The following FAM227B variants were observed in gnomAD, a reference collection of about 807,000 sequenced individuals.
The protein encoded by FAM227B is protein FAM227B.
A neutral mutation model predicts 73.8 loss-of-function variants in FAM227B; 88 were observed. The ratio of observed to expected loss-of-function variants is 1.19; its 90% CI spans 1.00 to 1.42. FAM227B has a LOEUF of 1.42. FAM227B is among the 40% of genes most tolerant of loss of function. The pLI, the probability that FAM227B is intolerant of heterozygous loss-of-function variation, is 0.00. For missense variants in FAM227B, 632 were observed against 590.9 expected (o/e 1.07, Z -0.72); for synonymous variants, 210 against 190.5 (o/e 1.10, Z -0.84).
At chr15:49,587,658 A>C (rs899747336) in intron 5 of FAM227B, among the ~76,000 whole-genome samples, 4 of 152,140 alleles carry the variant, frequency 2.6e-5, no homozygotes, top group Non-Finnish European at 4.4e-5. Context: ...AATATTTTTT[A>C]AAATTGGCAA....
At chr15:49,351,376 A>C (rs1193663025) in intron 13 of FAM227B, among the ~76,000 whole-genome samples, 1 of 152,224 alleles carries the variant, frequency 6.6e-6, no homozygotes, top group Non-Finnish European at 1.5e-5. Flanking sequence ...AATTCCGCCC[A>C]AACTCTGGAG....
chr15:49,509,585 A>C (rs940734000), intron 10 of FAM227B, among the ~76,000 whole-genome samples: 1 of 26,558 alleles, frequency 3.8e-5, no homozygotes, highest in African/African-American at 8.6e-5. Flanking sequence ...TTTCACTGTT[A>C]CTTTTTTTTT....
chr15:49,541,696 A>G lies in FAM227B; in HGVS notation c.858T>C (p.Ile286=), dbSNP rs775337430. ...DEFKEDLGNN[I]FLWCSGLKPQ... Reference sequence around the variant, plus strand: ...TATTCATACCTGAACACCAAAGAAAAATGTTATTCCCTAGATCTTCTTTAA... The same window carrying G: ...TATTCATACCTGAACACCAAAGAAAGATGTTATTCCCTAGATCTTCTTTAA... Residue 286 remains isoleucine, a synonymous_variant, in exon 10 of 16, where the codon ATT becomes ATC. Transcript: ENST00000299338. 1.3e-6 allele frequency: 2 copies of G among 1,506,250 alleles called. No individual in the cohort carries two copies. Among genetic ancestry groups the G allele is most frequent in the Admixed American group, 4.6e-5 (2 of 43,400 alleles). 93.3% of individuals were successfully genotyped at this position (1,506,250 alleles called of 1,614,324 possible). A position where few individuals can be genotyped will look rare whatever the true frequency, so the allele number is the denominator to read the frequency against.
At chr15:49,576,498 C>T (rs913182627) in intron 7 of FAM227B, 16 of 328,560 alleles carry the variant, frequency 4.9e-5, no homozygotes, top group East Asian at 1.9e-4. Context: ...ACACCTGTTA[C>T]GGTTACATGC....
At chr15:49,562,680 T>A (rs953785627) in intron 9 of FAM227B, among the ~76,000 whole-genome samples, 1 of 152,160 alleles carries the variant, frequency 6.6e-6, no homozygotes, top group Admixed American at 6.5e-5. Context: ...ATTCCTGTGA[T>A]GCAAGGTTGG....
At chr15:49,371,647 T>A (rs2045815085) in intron 11 of FAM227B, among the ~76,000 whole-genome samples, 1 of 147,652 alleles carries the variant, frequency 6.8e-6, no homozygotes, top group Non-Finnish European at 1.5e-5. Context: ...AATTCACTTA[T>A]AAATAAATGA....
At chr15:49,352,291 A>G (rs1327931497) in intron 13 of FAM227B, among the ~76,000 whole-genome samples, 1 of 152,248 alleles carries the variant, frequency 6.6e-6, no homozygotes, top group African/African-American at 2.4e-5. Context: ...ATTACAAAAG[A>G]CTGTTCAAAC....
intron 10 of FAM227B, among the ~76,000 whole-genome samples, chr15:49,516,834 G>T (rs2059409635): frequency 6.6e-6 from 1 of 152,068 alleles, no homozygotes. Context: ...AAAATAGGGT[G>T]ATTATATTGT....
chr15:49,403,743 C>T (rs562601642), intron 11 of FAM227B, among the ~76,000 whole-genome samples: 5 of 149,240 alleles, frequency 3.4e-5, no homozygotes, highest in African/African-American at 9.8e-5. Context: ...AATGTTTTTT[C>T]GTGTCTTAAT....
chr15:49,363,316 T>G (rs895311734), intron 13 of FAM227B, among the ~76,000 whole-genome samples: 2 of 152,202 alleles, frequency 1.3e-5, no homozygotes, highest in African/African-American at 4.8e-5. Context: ...TGTTTTGTAA[T>G]TCTTGTTGTA....
intron 5 of FAM227B, among the ~76,000 whole-genome samples, chr15:49,581,966 A>G (rs968703799): frequency 6.6e-6 from 1 of 152,210 alleles, no homozygotes; most frequent in Admixed American, 6.5e-5. Context: ...AATGGGGCCA[A>G]TCCATCTTGG....
chr15:49,431,313 A>G (rs2050596277), intron 11 of FAM227B, among the ~76,000 whole-genome samples: 1 of 151,844 alleles, frequency 6.6e-6, no homozygotes, highest in Non-Finnish European at 1.5e-5. Flanking sequence ...CAAGTTTTTT[A>G]TCTGCATTTG....
intron 9 of FAM227B, among the ~76,000 whole-genome samples, chr15:49,547,491 G>A (rs1024739008): frequency 6.6e-6 from 1 of 152,134 alleles, no homozygotes; most frequent in Non-Finnish European, 1.5e-5. Flanking sequence ...TGGCAAATTG[G>A]ATAAAGAGTC....
At chr15:49,572,870 T>G (rs1206062284) in intron 8 of FAM227B, among the ~76,000 whole-genome samples, 1 of 152,130 alleles carries the variant, frequency 6.6e-6, no homozygotes, top group Non-Finnish European at 1.5e-5. Flanking sequence ...TTTTTAGAAT[T>G]CTCAAATAAC....
At chr15:49,525,711 T>TATATATATAC (rs2060143583) in intron 10 of FAM227B, among the ~76,000 whole-genome samples, 2 of 63,168 alleles carry the variant, frequency 3.2e-5, no homozygotes, top group African/African-American at 1.0e-4. Context: ...TATATATATA[T>TATATATATAC]ATATATATCA....
intron 11 of FAM227B, among the ~76,000 whole-genome samples, chr15:49,399,057 G>T (rs2047918702): frequency 7.6e-6 from 1 of 132,308 alleles, no homozygotes. Flanking sequence ...AGTGAATCCA[G>T]GAGCTGGTTT....
chr15:49,342,927 T>A (rs2040950270), intron 13 of FAM227B, among the ~76,000 whole-genome samples: 1 of 152,172 alleles, frequency 6.6e-6, no homozygotes, highest in Admixed American at 6.5e-5. Context: ...TTATCTGGCC[T>A]TTTTCTCTAG....
chr15:49,557,519 T>C (rs967242978), intron 9 of FAM227B, among the ~76,000 whole-genome samples: 1 of 152,042 alleles, frequency 6.6e-6, no homozygotes, highest in Non-Finnish European at 1.5e-5. Flanking sequence ...CTCATGGAGA[T>C]GAAACAAAGT....
Position 49,505,042 on chromosome 15 carries a change from C to T in FAM227B, c.1012+3169G>A, listed in dbSNP as rs1343451968. On this transcript the variant is annotated intron_variant, in intron 11 of 15. Coordinates refer to ENST00000299338, the MANE Select transcript of FAM227B (RefSeq NM_152647.3). Reference sequence around the variant, plus strand: ...TGGATAAACAAATCATATTATATTCCTACTATGGAGGACTACTATTCAGCA... The same window carrying T: ...TGGATAAACAAATCATATTATATTCTTACTATGGAGGACTACTATTCAGCA... Among the ~76,000 whole-genome samples the T allele has an allele frequency of 2.6e-5, 4 of 152,062 alleles. No homozygotes were observed. The East Asian group carries it at 7.7e-4, about 29-fold the overall frequency.
Sources: allele counts gnomAD v4.1 joint callset (sites outside exome capture counted in the v4.1 genomes callset), GRCh38; gene constraint gnomAD v4.1.1; transcripts MANE v1.5; gene names NCBI Gene and HGNC (gene_info 2026-07-23, HGNC 2026-07-21).